Variants in SNAP91 observed in about 807,000 individuals in gnomAD.
SNAP91 encodes synaptosome associated protein 91.
A neutral mutation model predicts 100.3 loss-of-function variants in SNAP91; 27 were observed. That is an observed-to-expected ratio of 0.27 (90% confidence interval 0.20 to 0.37). SNAP91 has a LOEUF of 0.37. SNAP91 is among the 10% of genes least tolerant of loss of function. The pLI is 1.00. For synonymous variants in SNAP91, 404 were observed against 398.6 expected (o/e 1.01, Z -0.16); for missense variants, 986 against 1,123.7 (o/e 0.88, Z 1.75).
At chr6:83,582,943 T>G (rs1329065212) in intron 22 of SNAP91, among the ~76,000 whole-genome samples, 1 of 152,190 alleles carries the variant, frequency 6.6e-6, no homozygotes, top group Admixed American at 6.5e-5. Context: ...GTCTTCACAG[T>G]GCAGCCAGAA....
In SNAP91 at chr6:83,556,360, A is replaced by G. The variant is rs1307930027; in HGVS notation, c.2632-115T>C. 4 of 457,894 alleles carry G rather than the reference A, an allele frequency of 8.7e-6. No individual in the cohort carries two copies. In the African/African-American group the frequency reaches 9.3e-5, roughly 11 times the overall value. The allele number at this position is 457,894 out of a possible 1,614,324, so 28.4% of individuals were successfully genotyped here. On this transcript the variant is annotated intron_variant, in intron 28 of 29. Coordinates refer to ENST00000369694, the MANE Select transcript of SNAP91 (RefSeq NM_001242792.2). ...GAGAGGGGGAGAGAGAGAGAGAGAG[A>G]GAGAGAGAGAGAGAGAGAGAGAGAG...
At chr6:83,605,832 G>T (rs764362961) in intron 13 of SNAP91, 29 bp from the exon 14 acceptor site, 7 of 1,501,204 alleles carry the variant, frequency 4.7e-6, no homozygotes, top group Non-Finnish European at 5.4e-6. Context: ...ATTAAAATCA[G>T]ATTTTGAAAT....
At position 83,611,019 on chromosome 6, in the gene SNAP91, C is replaced by T. The variant is rs572910074; in HGVS notation, c.885-342G>A. Among the ~76,000 whole-genome samples the T allele has an allele frequency of 4.6e-5, 7 of 152,010 alleles. No homozygotes were observed. The South Asian group carries it at 1.5e-3, about 32-fold the overall frequency. On this transcript the variant is annotated intron_variant, in intron 11 of 29. Transcript: ENST00000369694. ...ATTGCCTATGTCCATAAAAAACAAA[C>T]TGTCTAAATGGGAATTTAAAACCAT...
intron 23 of SNAP91, 105 bp from the exon 24 acceptor site, chr6:83,580,704 A>T: frequency 9.1e-7 from 1 of 1,093,878 alleles, no homozygotes; most frequent in Non-Finnish European, 1.3e-6. Flanking sequence ...AAGTGAATAT[A>T]AAATCTTATA....
rs1278100990 is a variant in SNAP91, at chr6:83,587,592, G to T, written c.2014+3619C>A. On this transcript the variant is annotated intron_variant, in intron 22 of 29. Transcript: ENST00000369694. ...GACACAACTATAATACAAATGCTAA[G>T]CTTCACTGCAAATTACTACACACAG... Among the ~76,000 whole-genome samples, 23 of 151,904 alleles carry T rather than the reference G, an allele frequency of 1.5e-4. 1 individual carries two copies. Among genetic ancestry groups the T allele is most frequent in the Admixed American group, 1.5e-3 (23 of 15,240 alleles).
chr6:83,683,417 G>A lies in SNAP91; in HGVS notation c.131-17836C>T, dbSNP rs565285876. Among the ~76,000 whole-genome samples, 93 of 152,168 alleles carry A rather than the reference G, an allele frequency of 6.1e-4. 3 individuals are homozygous for A. In the South Asian group the frequency reaches 0.011, roughly 18 times the overall value. On this transcript the variant is annotated intron_variant, in intron 2 of 29. Coordinates refer to ENST00000369694, the MANE Select transcript of SNAP91 (RefSeq NM_001242792.2). The stretch of plus-strand genomic sequence containing the variant: ...GTGAATGGTTTGGTGCTGTCCTCAC[G>A]GTAATGAGTTAATTCTTTCTCTATT...
intron 12 of SNAP91, among the ~76,000 whole-genome samples, chr6:83,608,458 AG>A (rs1033303575): frequency 5.9e-5 from 9 of 152,214 alleles, no homozygotes; most frequent in Non-Finnish European, 1.3e-4. Context: ...ATTTTTATTT[AG>A]TTACTGTAAC....
chr6:83,655,667 G>T (rs1257855358), intron 7 of SNAP91, among the ~76,000 whole-genome samples: 1 of 152,184 alleles, frequency 6.6e-6, no homozygotes, highest in Non-Finnish European at 1.5e-5. Context: ...TAAAGTGGGT[G>T]TTATCTAATG....
chr6:83,690,494 A>G, intron 2 of SNAP91: 1 of 982,648 alleles, frequency 1.0e-6, no homozygotes, highest in South Asian at 1.4e-5. Flanking sequence ...ACTCTCTGCT[A>G]AAGCAACAGA....
intron 13 of SNAP91, 129 bp from the exon 14 acceptor site, chr6:83,605,932 G>C: frequency 3.6e-6 from 3 of 822,750 alleles, no homozygotes; most frequent in Non-Finnish European, 5.6e-6. Flanking sequence ...ATAATACTTT[G>C]GAAAGTATAG....
intron 29 of SNAP91, among the ~76,000 whole-genome samples, chr6:83,554,818 T>A (rs574488601): frequency 6.6e-6 from 1 of 152,302 alleles, no homozygotes; most frequent in East Asian, 1.9e-4. Flanking sequence ...AATTCATGCA[T>A]CATTCATTTC....
rs1169400999 is a variant in SNAP91 at position 83,582,293 on chromosome 6, A to G, written c.2078T>C (p.Leu693Pro). The G allele has an allele frequency of 6.2e-7, 1 of 1,613,808 alleles. No individual in the cohort carries two copies. Among genetic ancestry groups the G allele is most frequent in the East Asian group, 2.2e-5 (1 of 44,868 alleles). Residue 693 changes from leucine (L) to proline (P), a missense_variant, in exon 23 of 30, where the codon CTA becomes CCA. Around this residue, in one of 4 missense-constraint regions of SNAP91, gnomAD observed 575 missense variants for 579.9 expected, o/e 0.99. Coordinates refer to ENST00000369694, the MANE Select transcript of SNAP91 (RefSeq NM_001242792.2). ...AAAAGCTGCCTCAAAATTGGGCTGTAGCAGGTTATTCTGAGCTGGAGTCAC... is the reference window on the plus strand; with the variant it reads ...AAAAGCTGCCTCAAAATTGGGCTGTGGCAGGTTATTCTGAGCTGGAGTCAC... ...SPVTPAQNNL[L>P]QPNFEAAFGT...
At chr6:83,700,575 A>T (rs2099279189) in intron 2 of SNAP91, among the ~76,000 whole-genome samples, 1 of 151,520 alleles carries the variant, frequency 6.6e-6, no homozygotes, top group Admixed American at 6.6e-5. Flanking sequence ...ACTGATCTAA[A>T]TCAAGCAGAA....
intron 26 of SNAP91, among the ~76,000 whole-genome samples, chr6:83,574,808 G>A (rs983907292): frequency 2.0e-5 from 3 of 151,950 alleles, no homozygotes; most frequent in African/African-American, 7.3e-5. Context: ...CCCACTTCCC[G>A]CAGCAAAACA....
chr6:83,568,256 A>G (rs1462811907), intron 26 of SNAP91, among the ~76,000 whole-genome samples: 3 of 152,078 alleles, frequency 2.0e-5, no homozygotes, highest in Admixed American at 6.6e-5. Flanking sequence ...CAAAAAACCA[A>G]ACACCGCATG....
chr6:83,602,105 G>C (rs2095288945), intron 14 of SNAP91, among the ~76,000 whole-genome samples: 1 of 152,062 alleles, frequency 6.6e-6, no homozygotes, highest in Admixed American at 6.6e-5. Context: ...TCTGCAACAT[G>C]AATTTACTAT....
chr6:83,648,173 T>C (rs2128619708), intron 7 of SNAP91, among the ~76,000 whole-genome samples: 1 of 152,360 alleles, frequency 6.6e-6, no homozygotes, highest in African/African-American at 2.4e-5. Flanking sequence ...TGTAAGTTAG[T>C]TTGCATTTTC....
At chr6:83,703,190 T>C (rs1413575434) in intron 2 of SNAP91, among the ~76,000 whole-genome samples, 1 of 150,700 alleles carries the variant, frequency 6.6e-6, no homozygotes, top group Non-Finnish European at 1.5e-5. Context: ...AATAGTTAAA[T>C]GAAAACAAAA....
At chr6:83,570,861 G>A (rs1208503598) in intron 26 of SNAP91, among the ~76,000 whole-genome samples, 2 of 152,134 alleles carry the variant, frequency 1.3e-5, no homozygotes, top group East Asian at 3.9e-4. Context: ...CCTCTGTTAG[G>A]GCAGTGCAGA....
Sources: allele counts gnomAD v4.1 joint callset (sites outside exome capture counted in the v4.1 genomes callset), GRCh38; gene constraint gnomAD v4.1.1; regional missense constraint gnomAD v4.1.1; transcripts MANE v1.5; gene names NCBI Gene and HGNC (gene_info 2026-07-23, HGNC 2026-07-21).